Variants in BLOC1S3 observed in about 807,000 individuals in gnomAD.
BLOC1S3 encodes biogenesis of lysosome-related organelles complex 1 subunit 3.
In BLOC1S3, 7 loss-of-function variants were observed where a neutral mutation model predicts 9.1. That is an observed-to-expected ratio of 0.77 (90% CI 0.44 to 1.45). The LOEUF (loss-of-function observed/expected upper bound fraction) is 1.45. Ranked by LOEUF, BLOC1S3 falls within the 40% of genes most tolerant of loss-of-function variation. The pLI is 0.01. For missense variants in BLOC1S3, 307 were observed against 315.2 expected (o/e 0.97, Z 0.20); for synonymous variants, 145 against 158.4 (o/e 0.92, Z 0.64).
intron 3 of BLOC1S3, among the ~76,000 whole-genome samples, chr19:45,206,929 C>T (rs1376978103): frequency 6.6e-6 from 1 of 152,124 alleles, no homozygotes; most frequent in Admixed American, 6.6e-5. Flanking sequence ...CCTCTGCCGC[C>T]TGGGTTCAAC....
intron 2 of BLOC1S3, chr19:45,199,113 G>A (rs1370067164): frequency 6.6e-6 from 1 of 151,894 alleles, no homozygotes; most frequent in East Asian, 1.9e-4. Flanking sequence ...GTAGTCTTTG[G>A]GTTAAATCTG....
intron 3 of BLOC1S3, among the ~76,000 whole-genome samples, chr19:45,211,276 C>G (rs2122943335): frequency 6.6e-6 from 1 of 152,098 alleles, no homozygotes; most frequent in Non-Finnish European, 1.5e-5. Context: ...GCGGGTAGAT[C>G]ACTTGAGGTC....
chr19:45,198,188 T>C lies in BLOC1S3; in HGVS notation n.181-4218T>C, dbSNP rs186639443. ...TTCCCCCATCTAAATAGAGCAACCG[T>C]CCAAGAAAAATACTGTGCTAAACTT... On this transcript the variant is annotated intron_variant and non_coding_transcript_variant, in intron 2 of 3. Coordinates refer to the BLOC1S3 transcript ENST00000591569. 1.2e-3 allele frequency among the ~76,000 whole-genome samples: 187 copies of C among 152,268 alleles called. 2 individuals are homozygous for C. The highest frequency in any genetic ancestry group is 4.4e-3 in the African/African-American group (183 of 41,566).
At chr19:45,200,736 T>C (rs1969684875) in intron 2 of BLOC1S3, among the ~76,000 whole-genome samples, 1 of 152,216 alleles carries the variant, frequency 6.6e-6, no homozygotes, top group African/African-American at 2.4e-5. Flanking sequence ...TGGCTGGGCA[T>C]TGATGAGTTC....
chr19:45,211,937 C>T (rs1036736152), intron 3 of BLOC1S3, among the ~76,000 whole-genome samples: 2 of 152,134 alleles, frequency 1.3e-5, no homozygotes, highest in Non-Finnish European at 1.5e-5. Flanking sequence ...TAGGATCCGG[C>T]GGGGCTGGGG....
At chr19:45,192,213 A>G (rs1329924765) in intron 2 of BLOC1S3, among the ~76,000 whole-genome samples, 1 of 152,128 alleles carries the variant, frequency 6.6e-6, no homozygotes, top group Non-Finnish European at 1.5e-5. Flanking sequence ...CCCCAGGACC[A>G]TGGCAGCTAC....
At chr19:45,201,416 C>T (rs1969689842) in intron 2 of BLOC1S3, among the ~76,000 whole-genome samples, 1 of 152,300 alleles carries the variant, frequency 6.6e-6, no homozygotes, top group Non-Finnish European at 1.5e-5. Context: ...TGCACTGGGT[C>T]AGACCCAAAG....
At chr19:45,205,408 A>G (rs938237539) in intron 3 of BLOC1S3, among the ~76,000 whole-genome samples, 5 of 151,594 alleles carry the variant, frequency 3.3e-5, no homozygotes, top group African/African-American at 1.2e-4. Flanking sequence ...CTTGTGATCT[A>G]CCCGCTTCAG....
At chr19:45,204,168 G>A (rs886828932) in intron 3 of BLOC1S3, among the ~76,000 whole-genome samples, 3 of 145,402 alleles carry the variant, frequency 2.1e-5, no homozygotes. Flanking sequence ...TACCACACCC[G>A]GCTGATTTTT....
At chr19:45,190,356 TTC>T (rs35662974) in intron 2 of BLOC1S3, among the ~76,000 whole-genome samples, 11 of 147,772 alleles carry the variant, frequency 7.4e-5, no homozygotes, top group Middle Eastern at 3.5e-3. Context: ...AGACCCCTCC[TTC>T]TCTCTCTCTC....
intron 2 of BLOC1S3, among the ~76,000 whole-genome samples, chr19:45,188,832 A>T (rs867088181): frequency 7.2e-5 from 11 of 151,948 alleles, no homozygotes; most frequent in Middle Eastern, 3.4e-3. Context: ...TTGGCCTCCC[A>T]AGGTGCTGGG....
At chr19:45,207,869 G>C (rs1438516076) in intron 3 of BLOC1S3, among the ~76,000 whole-genome samples, 1 of 152,138 alleles carries the variant, frequency 6.6e-6, no homozygotes, top group Non-Finnish European at 1.5e-5. Context: ...GGAAGATTAA[G>C]GTCTTAGAAT....
chr19:45,184,227 T>C (rs1397250840), downstream of BLOC1S3, among the ~76,000 whole-genome samples: 1 of 152,144 alleles, frequency 6.6e-6, no homozygotes, highest in Non-Finnish European at 1.5e-5. Context: ...GATGGGAATC[T>C]GATTGGAGAG....
chr19:45,185,254 A>G (rs967862837), downstream of BLOC1S3, among the ~76,000 whole-genome samples: 1 of 152,186 alleles, frequency 6.6e-6, no homozygotes. Flanking sequence ...TGTTGGCCCC[A>G]TGAGGACGGG....
At position 45,179,294 on chromosome 19, in the gene BLOC1S3, G is replaced by T. The variant is rs1213734783; in HGVS notation, c.-3G>T. On this transcript the variant is annotated 5_prime_UTR_variant, in exon 2 of 2. Transcript: ENST00000433642. The surrounding 1 kb of genome is among the most constrained non-coding windows in gnomAD (Gnocchi z 4.6). ...CTTCGCTCTTCTCCCCTAGTTCGGT[G>T]CCATGGCGTCCCAGGGTCGTCGGCG... The T allele has an allele frequency of 1.0e-5, 16 of 1,578,300 alleles. No individual in the cohort carries two copies. In the South Asian group the frequency reaches 1.8e-4, roughly 18 times the overall value.
chr19:45,193,572 C>T (rs148235306), intron 2 of BLOC1S3, among the ~76,000 whole-genome samples: 54 of 151,688 alleles, frequency 3.6e-4, no homozygotes, highest in Admixed American at 6.6e-4. Context: ...CATACTTGCC[C>T]GTTTCTTTGT....
At chr19:45,207,211 C>T (rs1969733764) in intron 3 of BLOC1S3, among the ~76,000 whole-genome samples, 1 of 151,834 alleles carries the variant, frequency 6.6e-6, no homozygotes, top group Admixed American at 6.6e-5. Context: ...CGGCTTAGTG[C>T]AATCTCTGCC....
intron 2 of BLOC1S3, among the ~76,000 whole-genome samples, chr19:45,201,808 A>G (rs1969692651): frequency 6.6e-6 from 1 of 152,280 alleles, no homozygotes; most frequent in South Asian, 2.1e-4. Context: ...TAAGTGAGTC[A>G]TGGGGGCAGT....
At chr19:45,216,245 C>A in intron 3 of BLOC1S3, 3 of 1,598,260 alleles carry the variant, frequency 1.9e-6, no homozygotes, top group South Asian at 1.1e-5. Flanking sequence ...TTGACCCTGC[C>A]AATTCCTGCC....
Sources: allele counts gnomAD v4.1 joint callset (sites outside exome capture counted in the v4.1 genomes callset), GRCh38; gene constraint gnomAD v4.1.1; non-coding constraint Gnocchi (gnomAD v3.1); transcripts MANE v1.5; gene names NCBI Gene and HGNC (gene_info 2026-07-23, HGNC 2026-07-21).